Variants in TRPM3 observed in about 807,000 individuals in gnomAD.
The protein encoded by TRPM3 is long transient receptor potential channel 3.
TRPM3 carries 77 observed loss-of-function variants against 181.2 expected under a neutral mutation model. The observed-to-expected ratio is 0.42, with a 90% CI of 0.35 to 0.51. TRPM3 has a LOEUF of 0.51. Ranked by LOEUF, TRPM3 falls within the 20% of genes least tolerant of loss-of-function variation. TRPM3 has a pLI of 0.01. For synonymous variants in TRPM3, 745 were observed against 796.4 expected, an observed-to-expected ratio of 0.94 and a Z score of 1.09; for missense variants, 1,759 against 2,196.7, an observed-to-expected ratio of 0.80 and a Z score of 3.98.
At chr9:70,613,339 C>A (rs1465476594) in intron 18 of TRPM3, among the ~76,000 whole-genome samples, 1 of 152,118 alleles carries the variant, frequency 6.6e-6, no homozygotes, top group Non-Finnish European at 1.5e-5. Context: ...TGAGAAAGTT[C>A]TTTTGAGGTG....
At chr9:70,822,060 C>T (rs913691736) in intron 6 of TRPM3, among the ~76,000 whole-genome samples, 1 of 152,198 alleles carries the variant, frequency 6.6e-6, no homozygotes, top group South Asian at 2.1e-4. Context: ...CACTCCTAGC[C>T]AATAAGCTCC....
At chr9:71,056,668 G>A (rs2060695290) in intron 1 of TRPM3, among the ~76,000 whole-genome samples, 1 of 152,000 alleles carries the variant, frequency 6.6e-6, no homozygotes, top group African/African-American at 2.4e-5. Context: ...AAAAAATTAG[G>A]ACACAGACAG....
chr9:70,901,116 A>G (rs2096379369), intron 1 of TRPM3, among the ~76,000 whole-genome samples: 1 of 152,220 alleles, frequency 6.6e-6, no homozygotes, highest in African/African-American at 2.4e-5. Flanking sequence ...GTGACATGAA[A>G]AAAGAAAGAA....
intron 1 of TRPM3, among the ~76,000 whole-genome samples, chr9:71,346,458 G>A (rs1176182545): frequency 3.9e-5 from 6 of 152,212 alleles, no homozygotes; most frequent in South Asian, 2.1e-4. Flanking sequence ...ATTAGGCACC[G>A]GGCCTCATTA....
Position 71,325,105 on chromosome 9 carries a change from C to T in TRPM3, c.183+121548G>A, listed in dbSNP as rs528067954. ...GGTACCTAAAATACCCTGACTTGAT[C>T]ATTGCAAATTATATATATATGTAAA... On this transcript the variant is annotated intron_variant, in intron 1 of 24. Transcript: ENST00000357533. Among the ~76,000 whole-genome samples, 31 of 151,952 alleles carry T rather than the reference C, an allele frequency of 2.0e-4. No homozygotes were observed. The South Asian group carries it at 6.4e-3, about 32-fold the overall frequency.
intron 8 of TRPM3, among the ~76,000 whole-genome samples, chr9:70,743,917 C>T (rs1430296582): frequency 6.6e-6 from 1 of 151,824 alleles, no homozygotes; most frequent in Non-Finnish European, 1.5e-5. Context: ...TTATATTTTT[C>T]CACTGCCTCT....
intron 1 of TRPM3, among the ~76,000 whole-genome samples, chr9:70,979,304 C>T (rs575039470): frequency 4.6e-5 from 7 of 152,144 alleles, no homozygotes; most frequent in African/African-American, 1.7e-4. Flanking sequence ...TTATTGTTTG[C>T]CTATATGTGA....
At chr9:70,633,719 A>G (rs1255315404) in intron 12 of TRPM3, among the ~76,000 whole-genome samples, 2 of 152,274 alleles carry the variant, frequency 1.3e-5, no homozygotes, top group African/African-American at 4.8e-5. Flanking sequence ...AAGGAAAAAT[A>G]AAAAAGTAGT....
chr9:71,205,069 G>T (rs1001827549), intron 1 of TRPM3, among the ~76,000 whole-genome samples: 2 of 151,914 alleles, frequency 1.3e-5, no homozygotes, highest in African/African-American at 2.4e-5. Context: ...GTTGTGGGGT[G>T]GGGGGAGCAG....
chr9:70,912,062 A>G (rs906087724), intron 1 of TRPM3, among the ~76,000 whole-genome samples: 5 of 152,186 alleles, frequency 3.3e-5, no homozygotes, highest in South Asian at 2.1e-4. Flanking sequence ...AAGAGTAACT[A>G]TGGGTCAAAA....
chr9:70,585,085 C>T (rs1588881650), intron 22 of TRPM3, among the ~76,000 whole-genome samples: 1 of 152,294 alleles, frequency 6.6e-6, no homozygotes, highest in East Asian at 1.9e-4. Context: ...CCCCTCCTGC[C>T]CCGCTGATAC....
At chr9:71,301,251 C>T (rs576778984) in intron 1 of TRPM3, among the ~76,000 whole-genome samples, 14 of 152,124 alleles carry the variant, frequency 9.2e-5, no homozygotes, top group Admixed American at 9.2e-4. Context: ...CCAAGAGCAC[C>T]CAAAGAATGT....
chr9:70,905,843 G>A (rs975183788), intron 1 of TRPM3, among the ~76,000 whole-genome samples: 1 of 151,830 alleles, frequency 6.6e-6, no homozygotes, highest in Non-Finnish European at 1.5e-5. Context: ...ACCTGGGCTC[G>A]AGTGATCCTC....
chr9:71,146,631 G>A lies in TRPM3; in HGVS notation c.184-282120C>T, dbSNP rs549850981. Among the ~76,000 whole-genome samples, 17 of 152,150 alleles carry A rather than the reference G, an allele frequency of 1.1e-4. No homozygotes were observed. The South Asian group carries it at 3.5e-3, about 32-fold the overall frequency. On this transcript the variant is annotated intron_variant, in intron 1 of 24. Transcript: ENST00000357533. ...TACATCCTTCTTCTCCATTCTTCTG[G>A]AAATACAACCATTCTGTCAGGTTGG...
At chr9:71,113,304 T>A (rs550704471) in intron 1 of TRPM3, among the ~76,000 whole-genome samples, 3 of 152,098 alleles carry the variant, frequency 2.0e-5, no homozygotes, top group African/African-American at 7.2e-5. Flanking sequence ...CAGAACTGAT[T>A]GGCTAATTAC....
chr9:70,788,344 CTGCAAAGGGCATCTGTT>C (rs2084452653), intron 6 of TRPM3, among the ~76,000 whole-genome samples: 3 of 151,994 alleles, frequency 2.0e-5, no homozygotes, highest in South Asian at 4.1e-4. Flanking sequence ...ATTGATACAT[CTGCAAAGGGCATCTGTT>C]TGTGTTGTTT....
At chr9:70,595,411 C>T (rs561171116) in intron 21 of TRPM3, among the ~76,000 whole-genome samples, 5 of 152,200 alleles carry the variant, frequency 3.3e-5, no homozygotes, top group East Asian at 1.9e-4. Flanking sequence ...GTCATAACTG[C>T]GTGTGTGTGT....
At chr9:71,446,815 A>T (rs913103789) in exon 1 of TRPM3, 25 of 1,548,216 alleles carry the variant, frequency 1.6e-5, no homozygotes, top group Middle Eastern at 1.7e-4. Flanking sequence ...TTTCCGCCGC[A>T]TCCCTCCACT....
chr9:71,106,870 C>CA (rs1319572433), intron 1 of TRPM3, among the ~76,000 whole-genome samples: 1 of 152,000 alleles, frequency 6.6e-6, no homozygotes, highest in Non-Finnish European at 1.5e-5. Context: ...CCAGGGGGTA[C>CA]AAAAAAGGGA....
Sources: allele counts gnomAD v4.1 joint callset (sites outside exome capture counted in the v4.1 genomes callset), GRCh38; gene constraint gnomAD v4.1.1; transcripts MANE v1.5; gene names NCBI Gene and HGNC (gene_info 2026-07-23, HGNC 2026-07-21).